Variants in ZNF487 observed in about 807,000 individuals in gnomAD.
The protein encoded by ZNF487 is KRAB domain only 1.
Under a neutral mutation model 3.0 loss-of-function variants are expected in ZNF487, and 4 were observed. The ratio of observed to expected loss-of-function variants is 1.35; its 90% confidence interval spans 0.66 to 3.08. The LOEUF (loss-of-function observed/expected upper bound fraction) is 3.08, where lower values mean the gene tolerates loss of function less well. Among genes scored for constraint, ZNF487 ranks in the 30% most tolerant of loss-of-function variants. The pLI, the probability that ZNF487 is intolerant of heterozygous loss-of-function variation, is 0.01. For synonymous variants in ZNF487, 55 were observed against 34.6 expected, an observed-to-expected ratio of 1.59 and a Z score of -2.06; for missense variants, 146 against 98.7, an observed-to-expected ratio of 1.48 and a Z score of -2.03.
intron 1 of ZNF487, among the ~76,000 whole-genome samples, chr10:43,445,980 G>C (rs925818476): frequency 3.3e-5 from 5 of 152,192 alleles, no homozygotes; most frequent in Non-Finnish European, 7.3e-5. Flanking sequence ...ATGTTTCAGA[G>C]AGCATGGGGT....
At chr10:43,495,698 T>C in the ZNF487 span, among the ~76,000 whole-genome samples, 2 of 152,234 alleles carry the variant, frequency 1.3e-5, no homozygotes, top group South Asian at 4.1e-4. Flanking sequence ...TTTAACTATG[T>C]CTTTCAATGA....
chr10:43,493,896 T>A, the ZNF487 span, among the ~76,000 whole-genome samples: 1 of 151,338 alleles, frequency 6.6e-6, no homozygotes, highest in African/African-American at 2.4e-5. Flanking sequence ...CCAGGCGCGT[T>A]GGCTCATGCC....
chr10:43,493,215 A>G, the ZNF487 span, among the ~76,000 whole-genome samples: 1 of 152,154 alleles, frequency 6.6e-6, no homozygotes, highest in Non-Finnish European at 1.5e-5. Flanking sequence ...AGGCAACAAG[A>G]GCGAAACTCC....
At chr10:43,505,889 C>T in the ZNF487 span, among the ~76,000 whole-genome samples, 571 of 152,254 alleles carry the variant, frequency 3.8e-3, 3 homozygotes, top group Non-Finnish European at 6.8e-3. Flanking sequence ...GTGATCTGCC[C>T]GCATCAGCCT....
chr10:43,493,098 C>T, the ZNF487 span, among the ~76,000 whole-genome samples: 1 of 152,086 alleles, frequency 6.6e-6, no homozygotes, highest in African/African-American at 2.4e-5. Context: ...GGTGTGGTGT[C>T]GCATGCCTGT....
the ZNF487 span, among the ~76,000 whole-genome samples, chr10:43,500,577 C>T: frequency 6.6e-6 from 1 of 152,288 alleles, no homozygotes; most frequent in East Asian, 1.9e-4. Context: ...TCTCAGCTCA[C>T]CGCAACCTCT....
At chr10:43,467,510 T>C (rs948928349) in intron 1 of ZNF487, among the ~76,000 whole-genome samples, 1 of 151,996 alleles carries the variant, frequency 6.6e-6, no homozygotes, top group Non-Finnish European at 1.5e-5. Flanking sequence ...ACCTTCAACT[T>C]TTATTGTTTA....
intron 1 of ZNF487, among the ~76,000 whole-genome samples, chr10:43,455,647 C>G (rs926321437): frequency 6.6e-6 from 1 of 152,334 alleles, no homozygotes; most frequent in Non-Finnish European, 1.5e-5. Flanking sequence ...CTTGTGGCAG[C>G]GACGGGCACT....
chr10:43,443,919 C>G (rs1450273393), intron 1 of ZNF487, among the ~76,000 whole-genome samples: 1 of 149,862 alleles, frequency 6.7e-6, no homozygotes, highest in Non-Finnish European at 1.5e-5. Flanking sequence ...ATGGCGTGAT[C>G]TTGGCTCACT....
At chr10:43,470,853 A>G (rs1021219292) in intron 1 of ZNF487, among the ~76,000 whole-genome samples, 16 of 151,354 alleles carry the variant, frequency 1.1e-4, no homozygotes, top group Non-Finnish European at 1.9e-4. Context: ...ACAGAGTCTC[A>G]CTGTCACACA....
At chr10:43,495,203 C>CTTT in the ZNF487 span, among the ~76,000 whole-genome samples, 2 of 121,512 alleles carry the variant, frequency 1.6e-5, no homozygotes, top group Non-Finnish European at 3.5e-5. Context: ...TGTCCCCAGG[C>CTTT]TTTTTTTTTT....
intron 1 of ZNF487, among the ~76,000 whole-genome samples, chr10:43,445,162 T>C (rs2132041072): frequency 6.6e-6 from 1 of 152,210 alleles, no homozygotes; most frequent in African/African-American, 2.4e-5. Context: ...GAATTTTTTT[T>C]TTTTTCTTTA....
intron 1 of ZNF487, among the ~76,000 whole-genome samples, chr10:43,445,456 T>G (rs531679054): frequency 6.6e-6 from 1 of 152,264 alleles, no homozygotes; most frequent in Non-Finnish European, 1.5e-5. Context: ...TGAATCTTCT[T>G]GAGCTTTATT....
chr10:43,511,534 G>A, the ZNF487 span, among the ~76,000 whole-genome samples: 1 of 152,104 alleles, frequency 6.6e-6, no homozygotes, highest in Non-Finnish European at 1.5e-5. Flanking sequence ...TAATCAACCT[G>A]CCACCAGGTA....
At chr10:43,464,571 ACT>A (rs1284234043) in intron 1 of ZNF487, among the ~76,000 whole-genome samples, 2 of 151,906 alleles carry the variant, frequency 1.3e-5, no homozygotes, top group East Asian at 3.9e-4. Context: ...AGTGGTGATG[ACT>A]CTTGATGAGC....
At chr10:43,479,425 A>G (rs1364029581) in intron 3 of ZNF487, among the ~76,000 whole-genome samples, 1 of 152,184 alleles carries the variant, frequency 6.6e-6, no homozygotes, top group East Asian at 1.9e-4. Context: ...TTATTTCAAC[A>G]TTACTCATCA....
chr10:43,478,541 G>A (rs1238498839), intron 3 of ZNF487, among the ~76,000 whole-genome samples: 1 of 151,970 alleles, frequency 6.6e-6, no homozygotes, highest in East Asian at 1.9e-4. Context: ...CAACGAGAGC[G>A]AAACTCTGTC....
chr10:43,442,279 C>A (rs112831296), intron 1 of ZNF487, among the ~76,000 whole-genome samples: 12 of 150,712 alleles, frequency 8.0e-5, no homozygotes, highest in Middle Eastern at 3.4e-3. Flanking sequence ...AAAAAAAAAA[C>A]AAAGAAAAAA....
intron 1 of ZNF487, among the ~76,000 whole-genome samples, chr10:43,459,163 GT>G (rs1840327607): frequency 1.3e-5 from 2 of 151,996 alleles, no homozygotes; most frequent in African/African-American, 4.8e-5. Context: ...TGTCTTGTCC[GT>G]GAAGTCTTCT....
Sources: allele counts gnomAD v4.1 joint callset (sites outside exome capture counted in the v4.1 genomes callset), GRCh38; gene constraint gnomAD v4.1.1; transcripts MANE v1.5; gene names NCBI Gene and HGNC (gene_info 2026-07-23, HGNC 2026-07-21).